The following SNX13 variants were observed in gnomAD, a reference collection of about 807,000 sequenced individuals.
SNX13 encodes the protein sorting nexin 13, also known as sorting nexin-13.
SNX13 carries 45 observed loss-of-function variants against 133.6 expected under a neutral mutation model. The observed-to-expected ratio is 0.34, with a 90% confidence interval of 0.27 to 0.43. SNX13 has a LOEUF of 0.43. SNX13 is among the 20% of genes least tolerant of loss of function. SNX13 has a pLI of 1.00. For synonymous variants in SNX13, 414 were observed against 373.9 expected, an observed-to-expected ratio of 1.11 and a Z score of -1.24; for missense variants, 1,032 against 1,145.1, an observed-to-expected ratio of 0.90 and a Z score of 1.43.
rs564591072 is a variant in SNX13 at position 17,794,105 on chromosome 7, C to G, written c.2814G>C (p.Gln938His). Reference protein sequence around the residue: ...LFNKLHSRSKQMQKYKQKLQT... With the variant: ...LFNKLHSRSKHMQKYKQKLQT... ...GAAGTTTCTGTTTATATTTCTGCAT[C>G]TGCTTTGACCGTGAATGCAGTTTGT... Residue 938 changes from glutamine to histidine, a missense_variant, in exon 26 of 26, where the codon CAG becomes CAC. By Grantham distance (24) the Gln-to-His change is conservative. Coordinates refer to ENST00000428135, the MANE Select transcript of SNX13 (RefSeq NM_015132.5). 7.6e-5 allele frequency: 123 copies of G among 1,611,622 alleles called. 2 individuals carry two copies. In the South Asian group the frequency reaches 1.3e-3, roughly 17 times the overall value.
In SNX13 at chr7:17,826,062, A is replaced by G; in HGVS notation, c.1665T>C (p.Ser555=). ...LSLDDLSNVS[S]DDSVQLHAYI... is the part of the protein sequence containing the mutation. ...AGGCATGAAGTTGTACTGAGTCATC[A>G]GAAGAAACATTTGAAAGGTCATCTA... The change falls in exon 17 of 26, where the codon TCT becomes TCC. Residue 555 remains serine (S), a synonymous_variant. Transcript: ENST00000428135. 1.3e-6 allele frequency: 2 copies of G among 1,561,852 alleles called. No individual in the cohort carries two copies. The highest frequency in any genetic ancestry group is 1.7e-6 in the Non-Finnish European group (2 of 1,151,914).
intron 15 of SNX13, chr7:17,830,398 C>T (rs1788359270): frequency 1.0e-6 from 1 of 984,162 alleles, no homozygotes; most frequent in Admixed American, 6.2e-5. Context: ...GAATGAGGCC[C>T]ATTAGGAAAC....
At chr7:17,910,535 G>C (rs1198994140) in intron 1 of SNX13, among the ~76,000 whole-genome samples, 2 of 152,112 alleles carry the variant, frequency 1.3e-5, no homozygotes, top group African/African-American at 4.8e-5. Context: ...ACAGAATTAT[G>C]ATATGACTCA....
intron 1 of SNX13, among the ~76,000 whole-genome samples, chr7:17,934,574 G>A (rs1372233989): frequency 6.6e-6 from 1 of 152,020 alleles, no homozygotes; most frequent in African/African-American, 2.4e-5. Context: ...AACAGAAAGA[G>A]GTATATCTAC....
At chr7:17,823,688 TCA>T (rs970994317) in intron 17 of SNX13, among the ~76,000 whole-genome samples, 6 of 152,192 alleles carry the variant, frequency 3.9e-5, no homozygotes, top group Admixed American at 1.3e-4. Context: ...TATCTTTCTC[TCA>T]GAGACTTATG....
intron 8 of SNX13, among the ~76,000 whole-genome samples, chr7:17,868,882 T>C (rs1374707891): frequency 1.3e-5 from 2 of 152,062 alleles, no homozygotes; most frequent in African/African-American, 2.4e-5. Flanking sequence ...TTAGAACTAC[T>C]ACCAAGGGAG....
intron 12 of SNX13, among the ~76,000 whole-genome samples, chr7:17,841,376 A>G (rs1351770900): frequency 6.6e-6 from 1 of 152,076 alleles, no homozygotes; most frequent in African/African-American, 2.4e-5. Flanking sequence ...GGAAAAGCAC[A>G]AGTTCAGAAT....
rs545977401 is a variant in SNX13, at chr7:17,871,017, T to C, written c.753+2511A>G. 1.5e-4 allele frequency among the ~76,000 whole-genome samples: 23 copies of C among 152,082 alleles called. No individual in the cohort carries two copies. In the South Asian group the frequency reaches 4.2e-3, roughly 27 times the overall value. ...TCGGGTTTTCTTTTTTTTTTTTCTT[T>C]TTTTTTGAGAGGGAGTCTGGCTCTG... On this transcript the variant is annotated intron_variant, in intron 8 of 25. Transcript: ENST00000428135.
chr7:17,853,504 A>G (rs1791496311), intron 9 of SNX13, among the ~76,000 whole-genome samples: 1 of 152,264 alleles, frequency 6.6e-6, no homozygotes, highest in Non-Finnish European at 1.5e-5. Context: ...AATTAGAAAC[A>G]ACAGAGGCAA....
intron 13 of SNX13, among the ~76,000 whole-genome samples, chr7:17,837,543 A>C (rs938405939): frequency 1.3e-5 from 2 of 152,018 alleles, no homozygotes; most frequent in Admixed American, 6.6e-5. Flanking sequence ...GTGCTCCAAA[A>C]AAAGTCCAAA....
At chr7:17,883,040 C>A (rs1207466916) in intron 5 of SNX13, 46 of 266,404 alleles carry the variant, frequency 1.7e-4, no homozygotes, top group Non-Finnish European at 5.2e-5. Flanking sequence ...AACAAAACAT[C>A]CTGATTCATA....
chr7:17,829,878 CATA>C, intron 16 of SNX13, 129 bp downstream of exon 16: 2 of 517,162 alleles, frequency 3.9e-6, no homozygotes, highest in Middle Eastern at 5.8e-4. Context: ...TCTTTAAAAG[CATA>C]ATAACTTTTT....
At chr7:17,867,424 T>C (rs1273393396) in intron 9 of SNX13, among the ~76,000 whole-genome samples, 5 of 152,022 alleles carry the variant, frequency 3.3e-5, no homozygotes. Context: ...TAGGGCTACA[T>C]AGCAAAACCA....
At chr7:17,892,668 TCTC>T (rs1202540650) in intron 3 of SNX13, among the ~76,000 whole-genome samples, 1 of 152,070 alleles carries the variant, frequency 6.6e-6, no homozygotes, top group African/African-American at 2.4e-5. Context: ...TACTTCTACA[TCTC>T]CTGCACCTTA....
At chr7:17,820,655 A>G (rs2723550) in intron 18 of SNX13, among the ~76,000 whole-genome samples, 2 of 152,162 alleles carry the variant, frequency 1.3e-5, no homozygotes, top group South Asian at 4.1e-4. Flanking sequence ...TGCCAACTAT[A>G]TATTTTCCAC....
At chr7:17,933,800 GA>G (rs67821826) in intron 1 of SNX13, among the ~76,000 whole-genome samples, 13,522 of 142,514 alleles carry the variant, frequency 0.095, 699 homozygotes, top group East Asian at 0.21. Flanking sequence ...GGAATATACA[GA>G]AAAAAAAAAA....
At chr7:17,876,038 G>C (rs28429976) in intron 5 of SNX13, among the ~76,000 whole-genome samples, 1 of 152,024 alleles carries the variant, frequency 6.6e-6, no homozygotes, top group Non-Finnish European at 1.5e-5. Flanking sequence ...ACTATCTAAA[G>C]GTTTAAAATA....
At chr7:17,918,492 C>T (rs1280147056) in intron 1 of SNX13, among the ~76,000 whole-genome samples, 1 of 151,532 alleles carries the variant, frequency 6.6e-6, no homozygotes, top group East Asian at 1.9e-4. Context: ...TCTCAAAAGA[C>T]ATACAAGCAG....
chr7:17,839,369 C>T (rs951057927), intron 13 of SNX13, among the ~76,000 whole-genome samples: 17 of 151,502 alleles, frequency 1.1e-4, no homozygotes, highest in African/African-American at 4.1e-4. Flanking sequence ...CCAACTATAA[C>T]CGTTGAATTG....
Sources: allele counts gnomAD v4.1 joint callset (sites outside exome capture counted in the v4.1 genomes callset), GRCh38; gene constraint gnomAD v4.1.1; transcripts MANE v1.5; gene names NCBI Gene and HGNC (gene_info 2026-07-23, HGNC 2026-07-21).